STMN3: variants seen among roughly 807,000 people sequenced by gnomAD.
STMN3 encodes stathmin-3.
STMN3 carries 24 observed loss-of-function variants against 23.2 expected under a neutral mutation model. The ratio of observed to expected loss-of-function variants is 1.03; its 90% CI spans 0.75 to 1.45. The LOEUF is 1.45. Ranked by LOEUF, STMN3 falls within the 40% of genes most tolerant of loss-of-function variation. STMN3 has a pLI of 0.00. For missense variants in STMN3, 235 were observed against 237.6 expected, an observed-to-expected ratio of 0.99 and a Z score of 0.07; for synonymous variants, 117 against 103.4, an observed-to-expected ratio of 1.13 and a Z score of -0.80.
At chr20:63,641,651 G>A (rs906465238) in intron 4 of STMN3, among the ~76,000 whole-genome samples, 12 of 152,172 alleles carry the variant, frequency 7.9e-5, no homozygotes, top group South Asian at 2.1e-4. Flanking sequence ...CTTCCTTCAG[G>A]GCACTTTCAA....
At position 63,652,265 on chromosome 20, in the gene STMN3, G is replaced by C. The variant is rs1229785210; in HGVS notation, c.19+1062C>G. 1.3e-5 allele frequency: 2 copies of C among 152,434 alleles called. No homozygotes were observed. The highest frequency in any genetic ancestry group is 3.9e-4 in the East Asian group (2 of 5,174). 9.4% of individuals were successfully genotyped at this position (152,434 alleles called of 1,614,324 possible). ...AGTTGAACCAGTCAGCTCGGGAGAG[G>C]GACCGCGGCGACCTGTCCCGGGGGC... On this transcript the variant is annotated intron_variant, in intron 1 of 4. Transcript: ENST00000370053. The surrounding 1 kb of genome is among the most constrained non-coding windows in gnomAD (Gnocchi z 5.3).
In STMN3 at chr20:63,647,993, C is replaced by CAG. The variant is rs1555897562; in HGVS notation, c.20-3686_20-3685dup. ...ATATATATATATACATATATATATACAGAGAGAGAGAGAGTAGTGATAGGT... is the reference window on the plus strand; with the variant it reads ...ATATATATATATACATATATATATACAGAGAGAGAGAGAGAGTAGTGATAGGT... On this transcript the variant is annotated intron_variant, in intron 1 of 4. Transcript: ENST00000370053. 2.3e-4 allele frequency among the ~76,000 whole-genome samples: 20 copies of CAG among 87,092 alleles called. 1 individual carries two copies. The Middle Eastern group carries it at 0.035, about 153-fold the overall frequency. 57.1% of individuals were successfully genotyped at this position (87,092 alleles called of 152,430 possible).
chr20:63,643,898 G>C lies in STMN3; in HGVS notation c.149C>G (p.Ser50Ter). The change falls in exon 3 of 5, where the codon TCA (serine) becomes TGA (stop). Residue 50 changes from serine (S) to a stop codon, truncating the protein, a stop_gained. Transcript: ENST00000370053. LOFTEE classifies it high-confidence loss of function. ...MEVKQLDKRASGQSFEVILKS... is the reference protein window; with the variant it reads ...MEVKQLDKRA ...GAGGATGACCTCGAAGCTCTGGCCT[G>C]AGGCCCGCTTGTCCAGCTGCTTCAC... 6.3e-7 allele frequency: 1 copy of C among 1,599,246 alleles called. No individual in the cohort carries two copies. Among genetic ancestry groups the C allele is most frequent in the Non-Finnish European group, 8.5e-7 (1 of 1,176,212 alleles).
chr20:63,650,101 G>T (rs62207016), intron 1 of STMN3, among the ~76,000 whole-genome samples: 18 of 87,946 alleles, frequency 2.0e-4, no homozygotes, highest in East Asian at 1.1e-3. Context: ...GTGCTGGGAT[G>T]ACAGGCGTGA....
At chr20:63,647,787 T>A (rs188133478) in intron 1 of STMN3, among the ~76,000 whole-genome samples, 1 of 126,000 alleles carries the variant, frequency 7.9e-6, no homozygotes, top group African/African-American at 2.9e-5. Flanking sequence ...TGTATATATA[T>A]AATATATATA....
intron 2 of STMN3, 128 bp from the exon 3 acceptor site, chr20:63,644,059 C>A: frequency 7.1e-7 from 1 of 1,405,802 alleles, no homozygotes; most frequent in Admixed American, 2.3e-5. Context: ...CCGCAGGAAT[C>A]CCAGGCTTCA....
chr20:63,649,733 T>C (rs2089842957), intron 1 of STMN3, among the ~76,000 whole-genome samples: 2 of 151,814 alleles, frequency 1.3e-5, no homozygotes, highest in Non-Finnish European at 2.9e-5. Flanking sequence ...GGTTTCACTG[T>C]GTTAGCCAGG....
chr20:63,647,647 T>TATATATAC lies in STMN3; in HGVS notation c.20-3339_20-3338insGTATATAT, dbSNP rs1569069722. ...AAACACAAACAAACATATATATATA[T>TATATATAC]ACATGTATATATATAATATATATAT... On this transcript the variant is annotated intron_variant, in intron 1 of 4. Coordinates refer to ENST00000370053, the MANE Select transcript of STMN3 (RefSeq NM_015894.4). Among the ~76,000 whole-genome samples, 102 of 136,862 alleles carry TATATATAC rather than the reference T, an allele frequency of 7.5e-4. 6 individuals carry two copies. Among genetic ancestry groups the TATATATAC allele is most frequent in the African/African-American group, 2.6e-3 (94 of 35,952 alleles). 89.8% of individuals were successfully genotyped at this position (136,862 alleles called of 152,430 possible).
chr20:63,647,995 G>C (rs186850658), intron 1 of STMN3, among the ~76,000 whole-genome samples: 22,911 of 99,358 alleles, frequency 0.23, 4,044 homozygotes, highest in Admixed American at 0.32. Context: ...TATATATACA[G>C]AGAGAGAGAG....
intron 2 of STMN3, 100 bp from the exon 3 acceptor site, chr20:63,644,031 G>C: frequency 6.7e-7 from 1 of 1,498,872 alleles, no homozygotes; most frequent in Non-Finnish European, 9.0e-7. Context: ...AGGGCTGGGC[G>C]AGAGGGGGTG....
Position 63,641,362 on chromosome 20 carries a change from C to T in STMN3, c.519G>A (p.Glu173=), listed in dbSNP as rs759131857. The T allele has an allele frequency of 1.9e-6, 3 of 1,570,538 alleles. No individual in the cohort carries two copies. The South Asian group carries it at 3.5e-5, about 18-fold the overall frequency. Residue 173 remains glutamate (E), a synonymous_variant, in exon 5 of 5, where the codon GAG becomes GAA. Coordinates refer to ENST00000370053, the MANE Select transcript of STMN3 (RefSeq NM_015894.4). ...CTTAGCCCGACATCTCTTCTCGCTG[C>T]TCCTTGTTCCTGCGCACCTCGGCCG... ...LHAAEVRRNK[E]QREEMSG is the part of the protein sequence containing the mutation.
rs3908692 is a variant in STMN3 at position 63,641,131 on chromosome 20, C to A, written c.*207G>T. 2.0e-3 allele frequency: 1,295 copies of A among 632,202 alleles called. 29 individuals carry two copies. In the Admixed American group the frequency reaches 0.027, roughly 13 times the overall value. The allele number at this position is 632,202 out of a possible 1,614,324, so 39.2% of individuals were successfully genotyped here. ...GTGTCTGCACCGAGGGACCGCGTCT[C>A]ACGCCCGGCGGCTCCTGCAGGGGAA... On this transcript the variant is annotated 3_prime_UTR_variant, in exon 5 of 5. Transcript: ENST00000370053.
At position 63,641,135 on chromosome 20, in the gene STMN3, C is replaced by G; in HGVS notation, c.*203G>C. On this transcript the variant is annotated 3_prime_UTR_variant, in exon 5 of 5. Coordinates refer to ENST00000370053, the MANE Select transcript of STMN3 (RefSeq NM_015894.4). ...CTGCACCGAGGGACCGCGTCTCACG[C>G]CCGGCGGCTCCTGCAGGGGAAGCCG... 4 of 634,720 alleles carry G rather than the reference C, an allele frequency of 6.3e-6. No homozygotes were observed. In the South Asian group the frequency reaches 6.9e-5, roughly 11 times the overall value. The allele number at this position is 634,720 out of a possible 1,614,324, so 39.3% of individuals were successfully genotyped here.
chr20:63,650,164 G>A (rs2089846564), intron 1 of STMN3, among the ~76,000 whole-genome samples: 1 of 133,084 alleles, frequency 7.5e-6, no homozygotes, highest in East Asian at 2.1e-4. Flanking sequence ...GAGCCCCCGC[G>A]CCCGGCCCCT....
chr20:63,643,728 G>C (rs1008861317), intron 3 of STMN3, 28 bp downstream of exon 3: 3 of 1,508,494 alleles, frequency 2.0e-6, no homozygotes, highest in Admixed American at 4.9e-5. Flanking sequence ...TGAAACTCCT[G>C]GGGGGTGGGG....
At chr20:63,644,009 A>C (rs988427508) in intron 2 of STMN3, 78 bp from the exon 3 acceptor site, 1 of 1,553,148 alleles carries the variant, frequency 6.4e-7, no homozygotes, top group Non-Finnish European at 8.7e-7. Flanking sequence ...CTCCCAGCAC[A>C]CATCCAACCC....
intron 1 of STMN3, among the ~76,000 whole-genome samples, chr20:63,647,714 G>A (rs1348107232): frequency 1.8e-5 from 2 of 109,060 alleles, no homozygotes; most frequent in African/African-American, 3.3e-5. Flanking sequence ...ATATACACGT[G>A]TATATATATT....
At chr20:63,643,200 C>T (rs561004381) in intron 3 of STMN3, among the ~76,000 whole-genome samples, 56 of 152,338 alleles carry the variant, frequency 3.7e-4, no homozygotes, top group Non-Finnish European at 6.5e-4. Context: ...ACAAGGGTGC[C>T]TCCCACCCTC....
intron 1 of STMN3, 144 bp downstream of exon 1, chr20:63,653,183 C>T (rs1413971209): frequency 2.8e-6 from 3 of 1,068,376 alleles, no homozygotes; most frequent in Admixed American, 6.7e-5. Flanking sequence ...ACCCCAGCCT[C>T]GGGCGGGTCG....
Sources: allele counts gnomAD v4.1 joint callset (sites outside exome capture counted in the v4.1 genomes callset), GRCh38; gene constraint gnomAD v4.1.1; non-coding constraint Gnocchi (gnomAD v3.1); transcripts MANE v1.5; gene names NCBI Gene and HGNC (gene_info 2026-07-23, HGNC 2026-07-21).